The following FBN1 variants were observed in gnomAD, a reference collection of about 807,000 sequenced individuals.
FBN1 encodes fibrillin-1.
FBN1 carries 29 observed loss-of-function variants against 365.1 expected under a neutral mutation model. The ratio of observed to expected loss-of-function variants is 0.08; its 90% CI spans 0.06 to 0.11. FBN1 has a LOEUF of 0.11. Among genes scored for constraint, FBN1 ranks in the 10% least tolerant of loss-of-function variants. FBN1 has a pLI of 1.00. For synonymous variants in FBN1, 1,210 were observed against 1,270.5 expected (o/e 0.95, Z 1.01); for missense variants, 2,476 against 3,703.2 (o/e 0.67, Z 8.60).
At chr15:48,632,130 T>A (rs1438247856) in intron 2 of FBN1, among the ~76,000 whole-genome samples, 1 of 151,998 alleles carries the variant, frequency 6.6e-6, no homozygotes, top group Non-Finnish European at 1.5e-5. Flanking sequence ...TAAAAACTTA[T>A]CCCCAAACTG....
chr15:48,515,360 G>T, intron 12 of FBN1, 27 bp downstream of exon 12: 1 of 1,613,388 alleles, frequency 6.2e-7, no homozygotes, highest in Non-Finnish European at 8.5e-7. Context: ...ACAGACCCTT[G>T]GTGCCAACCT....
At chr15:48,419,617 T>C (rs1597511925) in intron 63 of FBN1, among the ~76,000 whole-genome samples, 1 of 152,228 alleles carries the variant, frequency 6.6e-6, no homozygotes, top group East Asian at 1.9e-4. Context: ...CAGTCAACCC[T>C]ACATGCCACT....
intron 50 of FBN1, 120 bp from the exon 51 acceptor site, chr15:48,438,037 C>T (rs139377277): frequency 2.0e-6 from 2 of 1,009,512 alleles, no homozygotes; most frequent in African/African-American, 1.6e-5. Flanking sequence ...CACAGCAATA[C>T]TCCTTACGTG....
chr15:48,558,129 T>C (rs1361470541), intron 6 of FBN1, among the ~76,000 whole-genome samples: 2 of 152,232 alleles, frequency 1.3e-5, no homozygotes, highest in African/African-American at 4.8e-5. Flanking sequence ...TGAGGTCTCC[T>C]TGTTCCATAT....
At chr15:48,516,494 G>C (rs2043804321) in intron 10 of FBN1, 132 bp from the exon 11 acceptor site, 1 of 946,046 alleles carries the variant, frequency 1.1e-6, no homozygotes, top group Non-Finnish European at 1.6e-6. Flanking sequence ...AGGTCAACTG[G>C]AGAAAAGAAA....
At chr15:48,622,226 C>A (rs537943796) in intron 2 of FBN1, among the ~76,000 whole-genome samples, 1 of 152,180 alleles carries the variant, frequency 6.6e-6, no homozygotes, top group South Asian at 2.1e-4. Flanking sequence ...GTGACTAAGA[C>A]ACACAGTCTT....
At position 48,463,986 on chromosome 15, in the gene FBN1, G is replaced by C; in HGVS notation, c.4978C>G (p.Pro1660Ala). 1.2e-6 allele frequency: 2 copies of C among 1,613,862 alleles called. No homozygotes were observed. Among genetic ancestry groups the C allele is most frequent in the Non-Finnish European group, 1.7e-6 (2 of 1,179,774 alleles). ...NECETPGICG[P>A]GTCYNTVGNY... ...CCAACGGTGTTGTAACATGTCCCTG[G>C]ACCACAGATTCCAGGAGTCTCACAT... is the stretch of plus-strand genomic sequence containing the variant. The change falls in exon 41 of 66, where the codon CCA becomes GCA. Residue 1660 changes from proline (P) to alanine (A), a missense_variant. Pro to Ala is a conservative substitution (Grantham distance 27). This residue lies in a region of FBN1 where 1,780 missense variants were observed against 2,840.8 expected (regional missense o/e 0.63). Coordinates refer to ENST00000316623, the MANE Select transcript of FBN1 (RefSeq NM_000138.5).
Position 48,623,282 on chromosome 15 carries a change from T to A in FBN1, c.165-10190A>T, listed in dbSNP as rs1034201494. On this transcript the variant is annotated intron_variant, in intron 2 of 65. Transcript: ENST00000316623. ...ATCTGTGCGATAGAATTATTTCTTA[T>A]AAATTTATCTATTTAAAAGAAGACT... Among the ~76,000 whole-genome samples the A allele has an allele frequency of 2.0e-5, 3 of 152,392 alleles. No individual in the cohort carries two copies. The South Asian group carries it at 6.2e-4, about 32-fold the overall frequency.
chr15:48,408,871 A>G lies in FBN1; in HGVS notation c.*2119T>C, dbSNP rs1460709183. The G allele has an allele frequency of 6.6e-6, 1 of 152,530 alleles. No individual in the cohort carries two copies. 9.4% of individuals were successfully genotyped at this position (152,530 alleles called of 1,614,324 possible). A position where few individuals can be genotyped will look rare whatever the true frequency, so the allele number is the denominator to read the frequency against. On this transcript the variant is annotated 3_prime_UTR_variant, in exon 66 of 66. Coordinates refer to ENST00000316623, the MANE Select transcript of FBN1 (RefSeq NM_000138.5). ...ATAAAGAAAATCCGTTATTGAATAT[A>G]ATGCAGTTCTGGTTAAATTATCAAA...
chr15:48,631,581 G>T (rs1889989902), intron 2 of FBN1, among the ~76,000 whole-genome samples: 1 of 152,204 alleles, frequency 6.6e-6, no homozygotes, highest in East Asian at 1.9e-4. Context: ...ACATGGCTCA[G>T]TCCTGACCAG....
At chr15:48,428,107 G>A in intron 57 of FBN1, 1 of 640,320 alleles carries the variant, frequency 1.6e-6, no homozygotes, top group Non-Finnish European at 2.7e-6. Context: ...GGGCTTCAAA[G>A]GCAGCCAAGA....
At chr15:48,566,398 A>C (rs2044259089) in intron 6 of FBN1, among the ~76,000 whole-genome samples, 1 of 152,208 alleles carries the variant, frequency 6.6e-6, no homozygotes, top group Admixed American at 6.5e-5. Context: ...GTGTCTCCAC[A>C]CTTTAAGCAA....
Position 48,411,252 on chromosome 15 carries a change from G to A in FBN1, c.8354C>T (p.Thr2785Ile), listed in dbSNP as rs1335174952. ...VRILELLPAL[T>I]TLTNHNRYLI... ...GTATCTGTTGTGATTCGTCAGAGTT[G>A]TAAGAGCTGGAAGGAGTTCTAGGAT... The change falls in exon 66 of 66, where the codon ACA (threonine) becomes ATA (isoleucine). Residue 2785 changes from threonine (T) to isoleucine (I), a missense_variant. Thr to Ile is a moderately conservative substitution (Grantham distance 89). Coordinates refer to ENST00000316623, the MANE Select transcript of FBN1 (RefSeq NM_000138.5). 4 of 1,614,036 alleles carry A rather than the reference G, an allele frequency of 2.5e-6. No homozygotes were observed. The highest frequency in any genetic ancestry group is 2.7e-5 in the African/African-American group (2 of 74,942).
intron 6 of FBN1, among the ~76,000 whole-genome samples, chr15:48,573,477 C>G (rs1320585174): frequency 3.3e-5 from 5 of 152,066 alleles, no homozygotes; most frequent in African/African-American, 1.2e-4. Flanking sequence ...AGGACAATGG[C>G]TAAATTTTAA....
At chr15:48,536,661 G>A (rs1294189083) in intron 7 of FBN1, among the ~76,000 whole-genome samples, 1 of 152,192 alleles carries the variant, frequency 6.6e-6, no homozygotes, top group Non-Finnish European at 1.5e-5. Context: ...CAAAGGAGCT[G>A]TATGTTGTAC....
Position 48,595,906 on chromosome 15 carries a change from C to G in FBN1, c.538+377G>C, listed in dbSNP as rs565254806. ...CTTTTCATACTGAAATTCTCCCTTT[C>G]CATACATATGTTTTGTTCAAGACCA... On this transcript the variant is annotated intron_variant, in intron 6 of 65. Coordinates refer to ENST00000316623, the MANE Select transcript of FBN1 (RefSeq NM_000138.5). Among the ~76,000 whole-genome samples the G allele has an allele frequency of 5.3e-5, 8 of 152,274 alleles. No individual in the cohort carries two copies. The South Asian group carries it at 1.0e-3, about 20-fold the overall frequency.
chr15:48,455,096 C>T (rs1003367089), intron 44 of FBN1, among the ~76,000 whole-genome samples: 3 of 152,218 alleles, frequency 2.0e-5, no homozygotes, highest in African/African-American at 7.2e-5. Flanking sequence ...GGCATGTATG[C>T]ACTCAACCTT....
chr15:48,633,140 G>A (rs1484670916), intron 2 of FBN1, among the ~76,000 whole-genome samples: 1 of 152,126 alleles, frequency 6.6e-6, no homozygotes, highest in Admixed American at 6.5e-5. Flanking sequence ...ACAAGCCCAA[G>A]ACAGGGTGTT....
intron 58 of FBN1, among the ~76,000 whole-genome samples, chr15:48,426,387 G>A (rs1022453773): frequency 4.6e-5 from 7 of 152,032 alleles, no homozygotes; most frequent in South Asian, 2.1e-4. Flanking sequence ...TAATATTGGG[G>A]AAATGAGATG....
Sources: allele counts gnomAD v4.1 joint callset (sites outside exome capture counted in the v4.1 genomes callset), GRCh38; gene constraint gnomAD v4.1.1; regional missense constraint gnomAD v4.1.1; transcripts MANE v1.5; gene names NCBI Gene and HGNC (gene_info 2026-07-23, HGNC 2026-07-21).